Variants in ENDOV observed in about 807,000 individuals in gnomAD.
The protein encoded by ENDOV is endonuclease V.
ENDOV carries 37 observed loss-of-function variants against 39.4 expected under a neutral mutation model. The observed-to-expected ratio is 0.94, with a 90% CI of 0.72 to 1.23. The LOEUF is 1.23. Among genes scored for constraint, ENDOV ranks in the 50% most tolerant of loss-of-function variants. ENDOV has a pLI of 0.00. For synonymous variants in ENDOV, 186 were observed against 163.4 expected (o/e 1.14, Z -1.05); for missense variants, 441 against 375.7 (o/e 1.17, Z -1.44).
intron 7 of ENDOV, chr17:80,427,906 G>GGAGCAGGCTGGGGGATTAGCCGTTGCTT: frequency 8.2e-7 from 1 of 1,216,764 alleles, no homozygotes; most frequent in African/African-American, 1.6e-5. Flanking sequence ...AATGGAAGCA[G>GGAGCAGGCTGGGGGATTAGCCGTTGCTT]GAGCAGGCTG....
Position 80,423,588 on chromosome 17 carries a change from C to G in ENDOV, c.472C>G (p.Leu158Val). The change falls in exon 5 of 10, where the codon CTG (leucine) becomes GTG (valine). Residue 158 changes from leucine to valine, a missense_variant. Coordinates refer to ENST00000518137, the MANE Select transcript of ENDOV (RefSeq NM_173627.5). ...GTGTGTTGGGGTGGCCAAGAAACTTCTGCAGGTGGATGGGCTGGAGAACAA... is the reference window on the plus strand; with the variant it reads ...GTGTGTTGGGGTGGCCAAGAAACTTGTGCAGGTGGATGGGCTGGAGAACAA... ...LPCVGVAKKLLQVDGLENNAL... is the reference protein window; with the variant it reads ...LPCVGVAKKLVQVDGLENNAL... 6.4e-7 allele frequency: 1 copy of G among 1,550,922 alleles called. No individual in the cohort carries two copies. The highest frequency in any genetic ancestry group is 8.7e-7 in the Non-Finnish European group (1 of 1,146,904).
At chr17:80,415,316 G>C in intron 1 of ENDOV, 66 bp downstream of exon 1, 1 of 1,564,708 alleles carries the variant, frequency 6.4e-7, no homozygotes, top group Admixed American at 1.7e-5. Context: ...CGGACCCTCC[G>C]AGCTCATAGT....
intron 5 of ENDOV, among the ~76,000 whole-genome samples, chr17:80,424,554 G>A (rs148812794): frequency 1.1e-4 from 16 of 152,342 alleles, no homozygotes; most frequent in African/African-American, 1.9e-4. Context: ...CCACTTCACC[G>A]CCTGCACGCT....
intron 6 of ENDOV, 25 bp downstream of exon 6, chr17:80,425,125 C>T: frequency 1.9e-6 from 3 of 1,587,858 alleles, no homozygotes; most frequent in East Asian, 4.5e-5. Context: ...CCCTGAGCTC[C>T]TCCAAAGCCC....
At chr17:80,420,310 A>G (rs1312645285) in intron 2 of ENDOV, 1 of 152,354 alleles carries the variant, frequency 6.6e-6, no homozygotes, top group Non-Finnish European at 1.5e-5. Flanking sequence ...AACTCAGGCC[A>G]CACTTGAATT....
intron 2 of ENDOV, chr17:80,419,724 A>G (rs2081734568): frequency 2.9e-6 from 2 of 699,004 alleles, no homozygotes; most frequent in Non-Finnish European, 5.2e-6. Context: ...TTCACTGGTC[A>G]GTGGCCCTCT....
rs1376268444 is a variant in ENDOV at position 80,425,529 on chromosome 17, A to G, written c.623A>G (p.Tyr208Cys). The change falls in exon 7 of 10, where the codon TAC (tyrosine) becomes TGC (cysteine). Residue 208 changes from tyrosine (Y) to cysteine (C), a missense_variant. Transcript: ENST00000518137. Reference sequence around the variant, plus strand: ...CACGACCGCAGCACCAGGCCCCTCTACATCTCCGTGGGCCACAGGATGAGC... The same window carrying G: ...CACGACCGCAGCACCAGGCCCCTCTGCATCTCCGTGGGCCACAGGATGAGC... ...RSHDRSTRPL[Y>C]ISVGHRMSLE... 1.3e-6 allele frequency: 2 copies of G among 1,596,906 alleles called. No individual in the cohort carries two copies. Among genetic ancestry groups the G allele is most frequent in the Non-Finnish European group, 1.7e-6 (2 of 1,175,132 alleles).
intron 2 of ENDOV, chr17:80,417,631 G>A (rs907375832): frequency 2.6e-5 from 4 of 152,192 alleles, no homozygotes; most frequent in African/African-American, 4.8e-5. Context: ...GCCCCACCTC[G>A]TAATACCATC....
In ENDOV at chr17:80,421,950, C is replaced by T; in HGVS notation, c.351C>T (p.Gly117=). ...AGCAGCTGCGGGAGAAGGAGCCGGG[C>T]CTCATGCCCCAGGCAGGTGTCTCAT... ...LVQQLREKEP[G]LMPQVLLVDG... Residue 117 remains glycine, a synonymous_variant, in exon 3 of 10, where the codon GGC becomes GGT. Transcript: ENST00000518137. 1 of 1,609,192 alleles carries T rather than the reference C, an allele frequency of 6.2e-7. No homozygotes were observed. Among genetic ancestry groups the T allele is most frequent in the Non-Finnish European group, 8.5e-7 (1 of 1,179,630 alleles).
At chr17:80,421,704 A>G (rs1349105117) in intron 2 of ENDOV, 124 bp from the exon 3 acceptor site, 56 of 1,276,498 alleles carry the variant, frequency 4.4e-5, no homozygotes, top group African/African-American at 1.5e-5. Flanking sequence ...TGAGGCAGGG[A>G]AGGGGAGCCA....
intron 9 of ENDOV, among the ~76,000 whole-genome samples, chr17:80,431,502 C>CG (rs2083325568): frequency 6.6e-6 from 1 of 152,298 alleles, no homozygotes; most frequent in African/African-American, 2.4e-5. Flanking sequence ...CCTAAAGTCA[C>CG]GGGGGGCACA....
intron 5 of ENDOV, 122 bp downstream of exon 5, chr17:80,423,754 C>A: frequency 3.2e-6 from 3 of 934,078 alleles, no homozygotes; most frequent in Non-Finnish European, 4.7e-6. Flanking sequence ...TCATCCCTGG[C>A]TTGTGGCCTG....
chr17:80,436,096 C>A (rs2083577802), intron 9 of ENDOV, 37 bp from the exon 10 acceptor site: 1 of 1,606,640 alleles, frequency 6.2e-7, no homozygotes, highest in Non-Finnish European at 8.5e-7. Context: ...CCTTTTATTT[C>A]TTTTTCTTGC....
At chr17:80,429,659 A>G (rs574709099) in intron 8 of ENDOV, 114 bp from the exon 9 acceptor site, 2 of 991,710 alleles carry the variant, frequency 2.0e-6, no homozygotes, top group East Asian at 2.5e-5. Flanking sequence ...CCTGGGCTGT[A>G]GCAGGTCCTG....
At chr17:80,419,390 G>A in intron 2 of ENDOV, 1 of 565,696 alleles carries the variant, frequency 1.8e-6, no homozygotes, top group South Asian at 2.3e-5. Context: ...TGTGCCAGAT[G>A]CTGAGCCATG....
At chr17:80,429,685 C>A in intron 8 of ENDOV, 88 bp from the exon 9 acceptor site, 1 of 1,305,808 alleles carries the variant, frequency 7.7e-7, no homozygotes, top group Non-Finnish European at 1.1e-6. Context: ...CCAGGCCAAG[C>A]GCAGTTCCCA....
chr17:80,422,332 T>C (rs1411733755), intron 4 of ENDOV, 87 bp downstream of exon 4: 2 of 1,519,784 alleles, frequency 1.3e-6, no homozygotes, highest in African/African-American at 1.4e-5. Flanking sequence ...CAGAAAATGC[T>C]GGGCCCTCGG....
At chr17:80,427,662 C>G (rs1444191987) in intron 7 of ENDOV, 2 of 1,245,502 alleles carry the variant, frequency 1.6e-6, no homozygotes, top group Middle Eastern at 4.5e-4. Flanking sequence ...ACTCACCTCT[C>G]AACAGGTTCA....
chr17:80,415,699 T>C lies in ENDOV; in HGVS notation c.106T>C (p.Trp36Arg), dbSNP rs946260585. Residue 36 changes from tryptophan (W) to arginine (R), a missense_variant, in exon 2 of 10, where the codon TGG becomes CGG. Coordinates refer to ENST00000518137, the MANE Select transcript of ENDOV (RefSeq NM_173627.5). ...CGTCGTAGACCGGGACACCGAGGCG[T>C]GGCAGCGAGACCCCGCCTTCTCGGG... is the stretch of plus-strand genomic sequence containing the variant. ...AHVVDRDTEA[W>R]QRDPAFSGLQ... 16 of 1,611,640 alleles carry C rather than the reference T, an allele frequency of 9.9e-6. No individual in the cohort carries two copies. The highest frequency in any genetic ancestry group is 1.4e-5 in the Non-Finnish European group (16 of 1,179,104).
Sources: gnomAD v4.1 joint callset for allele counts (sites outside exome capture counted in the v4.1 genomes callset) on GRCh38, gnomAD v4.1.1 for gene constraint, MANE v1.5 for transcripts, NCBI Gene and HGNC (gene_info 2026-07-23, HGNC 2026-07-21) for gene names.